Variants in PRPS1 observed in about 807,000 individuals in gnomAD.
PRPS1 encodes the protein phosphoribosyl pyrophosphate synthetase 1.
Under a neutral mutation model 16.9 loss-of-function variants are expected in PRPS1, and 1 was observed. That is an observed-to-expected ratio of 0.06 (90% CI 0.02 to 0.28). The LOEUF is 0.28. Among genes scored for constraint, PRPS1 ranks in the 10% least tolerant of loss-of-function variants. The pLI is 1.00. For missense variants in PRPS1, 47 were observed against 254.0 expected, an observed-to-expected ratio of 0.19 and a Z score of 5.54; for synonymous variants, 70 against 90.2, an observed-to-expected ratio of 0.78 and a Z score of 1.27.
chrX:107,639,221 G>T, intron 1 of PRPS1, 74 bp from the exon 2 acceptor site: 2 of 1,098,988 alleles, frequency 1.8e-6, no homozygotes, highest in Admixed American at 4.4e-5. Context: ...CATAGATGTG[G>T]AACCTATGGA....
intron 3 of PRPS1, 164 bp downstream of exon 3, chrX:107,641,164 G>A: frequency 8.7e-7 from 1 of 1,155,736 alleles, no homozygotes; most frequent in East Asian, 3.2e-5. Flanking sequence ...CATGATCTTA[G>A]TCATTTCAGG....
At chrX:107,640,816 G>T in intron 2 of PRPS1, 86 bp from the exon 3 acceptor site, 3 of 1,039,541 alleles carry the variant, frequency 2.9e-6, no homozygotes, top group East Asian at 3.0e-5. Context: ...AACATAGTAG[G>T]TACACAATAA....
intron 1 of PRPS1, among the ~76,000 whole-genome samples, chrX:107,634,835 GT>G (rs781010422): frequency 0.072 from 6,320 of 87,751 alleles, 415 homozygotes; most frequent in African/African-American, 0.27. Context: ...AAAGTTTTTT[GT>G]TTTTTTTTTT....
At chrX:107,630,830 A>C (rs976345812) in intron 1 of PRPS1, among the ~76,000 whole-genome samples, 2 of 111,143 alleles carry the variant, frequency 1.8e-5, no homozygotes, top group Non-Finnish European at 3.8e-5. Context: ...TGAATCCTTA[A>C]CCTTTCTTTG....
intron 6 of PRPS1, among the ~76,000 whole-genome samples, chrX:107,649,107 C>T (rs1010741688): frequency 9.1e-6 from 1 of 109,679 alleles, no homozygotes; most frequent in Non-Finnish European, 1.9e-5. Flanking sequence ...TTTTTTTAGA[C>T]AGGGTCTCAC....
Position 107,641,014 on chromosome X carries a change from C to T in PRPS1, c.405+14C>T, listed in dbSNP as rs1569438508. On this transcript the variant is annotated intron_variant, in intron 3 of 6. Coordinates refer to ENST00000372435, the MANE Select transcript of PRPS1 (RefSeq NM_002764.4). ...TCTCAAATTCAGGTATCAGTGGAAGCTAAATATTGGTGTTTGAAAGGTGGG... is the reference window on the plus strand; with the variant it reads ...TCTCAAATTCAGGTATCAGTGGAAGTTAAATATTGGTGTTTGAAAGGTGGG... The T allele has an allele frequency of 8.3e-7, 1 of 1,211,722 alleles. No individual in the cohort carries two copies. Among genetic ancestry groups the T allele is most frequent in the Non-Finnish European group, 1.1e-6 (1 of 895,561 alleles).
chrX:107,645,365 AT>A lies in PRPS1; in HGVS notation c.704+16del. The A allele has an allele frequency of 8.3e-7, 1 of 1,211,329 alleles. No individual in the cohort carries two copies. The highest frequency in any genetic ancestry group is 1.1e-6 in the Non-Finnish European group (1 of 895,113). ...GCAGCTGACAAGTAAGTGTGGATTG[AT>A]GGGGCTGGTAGTTAGAAGGAAAAAG... On this transcript the variant is annotated intron_variant, in intron 5 of 6. Coordinates refer to ENST00000372435, the MANE Select transcript of PRPS1 (RefSeq NM_002764.4).
intron 1 of PRPS1, among the ~76,000 whole-genome samples, chrX:107,632,616 G>GAAC (rs1234171991): frequency 8.9e-6 from 1 of 112,614 alleles, no homozygotes; most frequent in African/African-American, 3.2e-5. Context: ...GCCATTTGGA[G>GAAC]AACACTCCAT....
intron 1 of PRPS1, among the ~76,000 whole-genome samples, chrX:107,631,318 C>T (rs772806190): frequency 1.8e-4 from 20 of 111,809 alleles, no homozygotes; most frequent in Non-Finnish European, 3.2e-4. Context: ...CTCAAACTCG[C>T]GGGCTCAAGT....
intron 1 of PRPS1, among the ~76,000 whole-genome samples, chrX:107,630,595 CT>C (rs1051942888): frequency 1.8e-5 from 2 of 111,210 alleles, no homozygotes; most frequent in African/African-American, 6.5e-5. Context: ...GGAGTTCCCC[CT>C]ATCTTTGTTT....
intron 1 of PRPS1, among the ~76,000 whole-genome samples, chrX:107,638,838 T>G (rs1363595351): frequency 9.0e-6 from 1 of 111,400 alleles, no homozygotes. Flanking sequence ...GTTCCAGCGA[T>G]TCTCGTGCCT....
At chrX:107,629,558 C>T (rs1222938245) in intron 1 of PRPS1, among the ~76,000 whole-genome samples, 1 of 112,401 alleles carries the variant, frequency 8.9e-6, no homozygotes, top group East Asian at 2.8e-4. Flanking sequence ...TTGGCTCCTT[C>T]TTTAAGCTCT....
intron 1 of PRPS1, among the ~76,000 whole-genome samples, chrX:107,636,324 T>A (rs1209727340): frequency 9.0e-6 from 1 of 111,437 alleles, no homozygotes; most frequent in Admixed American, 9.5e-5. Context: ...TTCGCCATGT[T>A]GCCAAGGTTG....
chrX:107,647,789 C>G, intron 6 of PRPS1, 24 bp downstream of exon 6: 1 of 1,204,720 alleles, frequency 8.3e-7, no homozygotes, highest in Non-Finnish European at 1.1e-6. Context: ...TTGTGCAAAA[C>G]AAGACTTTTC....
At chrX:107,646,643 A>G (rs1013795379) in intron 5 of PRPS1, among the ~76,000 whole-genome samples, 1 of 112,374 alleles carries the variant, frequency 8.9e-6, no homozygotes, top group East Asian at 2.8e-4. Flanking sequence ...CTCCAATGCA[A>G]GTGTTCTTGT....
intron 4 of PRPS1, 60 bp downstream of exon 4, chrX:107,642,550 C>G (rs1015778376): frequency 6.6e-5 from 79 of 1,197,799 alleles, no homozygotes; most frequent in Non-Finnish European, 8.2e-5. Context: ...ATGGTTGTGT[C>G]ACAAAGTGAA....
chrX:107,639,568 TAGGGG>T, intron 2 of PRPS1, 90 bp downstream of exon 2: 1 of 929,560 alleles, frequency 1.1e-6, no homozygotes, highest in Non-Finnish European at 1.5e-6. Flanking sequence ...AATATATATT[TAGGGG>T]GAATTTTAAA....
intron 1 of PRPS1, 24 bp downstream of exon 1, chrX:107,628,774 A>G (rs375500956): frequency 9.1e-6 from 11 of 1,208,758 alleles, no homozygotes; most frequent in Non-Finnish European, 1.2e-5. Flanking sequence ...TGGGACCCTG[A>G]CTAGACCTCA....
At chrX:107,628,923 G>A (rs1010439779) in intron 1 of PRPS1, among the ~76,000 whole-genome samples, 173 bp downstream of exon 1, 4 of 111,233 alleles carry the variant, frequency 3.6e-5, no homozygotes, top group Non-Finnish European at 7.5e-5. Flanking sequence ...TCGCGGGAGG[G>A]TCACGTTCAT....
Sources: allele counts gnomAD v4.1 joint callset (sites outside exome capture counted in the v4.1 genomes callset), GRCh38; gene constraint gnomAD v4.1.1; transcripts MANE v1.5; gene names NCBI Gene and HGNC (gene_info 2026-07-23, HGNC 2026-07-21).